The following KCNH6 variants were observed in gnomAD, a reference collection of about 807,000 sequenced individuals.
The protein encoded by KCNH6 is voltage-gated inwardly rectifying potassium channel KCNH6.
In KCNH6, 81 loss-of-function variants were observed where a neutral mutation model predicts 83.4. The ratio of observed to expected loss-of-function variants is 0.97; its 90% CI spans 0.81 to 1.17. The LOEUF (loss-of-function observed/expected upper bound fraction) is 1.17, where lower values mean the gene tolerates loss of function less well. Ranked by LOEUF, KCNH6 falls within the 50% of genes most tolerant of loss-of-function variation. The pLI, the probability that KCNH6 is intolerant of heterozygous loss-of-function variation, is 0.00. For synonymous variants in KCNH6, 503 were observed against 545.6 expected (o/e 0.92, Z 1.09); for missense variants, 1,203 against 1,290.5 (o/e 0.93, Z 1.04).
At position 63,534,024 on chromosome 17, in the gene KCNH6, G is replaced by A; in HGVS notation, c.814G>A (p.Val272Ile). The A allele has an allele frequency of 1.9e-6, 3 of 1,614,188 alleles. No individual in the cohort carries two copies. The highest frequency in any genetic ancestry group is 2.5e-6 in the Non-Finnish European group (3 of 1,180,024). ...CCTGCTGCTGGTCATCTACACGGCT[G>A]TCTTCACGCCCTACTCAGCCGCCTT... ...LILLLVIYTA[V>I]FTPYSAAFLL... Residue 272 changes from valine to isoleucine, a missense_variant, in exon 5 of 13, where the codon GTC becomes ATC. Transcript: ENST00000314672. This position sits in a 1 kb window ranked among gnomAD's most constrained non-coding sequence, Gnocchi z 5.0.
intron 8 of KCNH6, among the ~76,000 whole-genome samples, chr17:63,539,321 C>T (rs985640600): frequency 1.3e-5 from 2 of 152,164 alleles, no homozygotes; most frequent in South Asian, 2.1e-4. Context: ...AGGTTCCCCT[C>T]GGGCAGCCCT....
intron 3 of KCNH6, 32 bp downstream of exon 3, chr17:63,530,284 A>C (rs745956866): frequency 6.2e-7 from 1 of 1,613,724 alleles, no homozygotes; most frequent in Non-Finnish European, 8.5e-7. Flanking sequence ...GGTGGGAGGG[A>C]CGCATGAGGG....
chr17:63,527,714 T>C (rs73332016), intron 2 of KCNH6, among the ~76,000 whole-genome samples: 1,920 of 152,212 alleles, frequency 0.013, 40 homozygotes, highest in African/African-American at 0.044. Context: ...CCTGAGATGG[T>C]ACAGTTACCC....
intron 10 of KCNH6, 27 bp from the exon 11 acceptor site, chr17:63,544,222 G>A: frequency 6.3e-7 from 1 of 1,589,106 alleles, no homozygotes; most frequent in South Asian, 1.1e-5. Context: ...GCTAGGCCCA[G>A]CTGAGACTTC....
chr17:63,533,986 G>A lies in KCNH6; in HGVS notation c.776G>A (p.Trp259Ter). Residue 259 changes from tryptophan (W) to a stop codon, truncating the protein, a stop_gained, in exon 5 of 13, where the codon TGG (tryptophan) becomes TAG (stop). Transcript: ENST00000314672. LOFTEE classifies it high-confidence loss of function. This position sits in a 1 kb window ranked among gnomAD's most constrained non-coding sequence, Gnocchi z 4.1. Reference sequence around the variant, plus strand: ...CACTACAGCCCCTTCAAGGCCGTGTGGGACTGGCTCATCCTGCTGCTGGTC... The same window carrying A: ...CACTACAGCCCCTTCAAGGCCGTGTAGGACTGGCTCATCCTGCTGCTGGTC... The part of the protein sequence containing the change: ...ILHYSPFKAV[W>*]DWLILLLVIY... The A allele has an allele frequency of 6.2e-7, 1 of 1,614,060 alleles. No individual in the cohort carries two copies. The highest frequency in any genetic ancestry group is 8.5e-7 in the Non-Finnish European group (1 of 1,179,996).
intron 2 of KCNH6, among the ~76,000 whole-genome samples, chr17:63,529,560 G>C (rs1259516701): frequency 6.6e-6 from 1 of 152,168 alleles, no homozygotes; most frequent in South Asian, 2.1e-4. Context: ...GCAGAATGGG[G>C]GTCCATGCCT....
intron 8 of KCNH6, among the ~76,000 whole-genome samples, chr17:63,540,710 G>C (rs755781949): frequency 2.0e-5 from 3 of 152,130 alleles, no homozygotes; most frequent in Non-Finnish European, 4.4e-5. Flanking sequence ...CTGTTCTCTT[G>C]TGGGGACATG....
chr17:63,532,783 T>C (rs990413967), intron 4 of KCNH6, among the ~76,000 whole-genome samples: 1 of 152,134 alleles, frequency 6.6e-6, no homozygotes, highest in Non-Finnish European at 1.5e-5. Context: ...AGGAGGTCCA[T>C]GGAACACCCC....
chr17:63,533,939 C>G lies in KCNH6; in HGVS notation c.729C>G (p.Arg243=), dbSNP rs748778698. The part of the protein sequence containing the change: ...VLPEYKLQAP[R]IHRWTILHYS... ...CGGAGTACAAGCTGCAGGCGCCGCG[C>G]ATCCACCGCTGGACCATCCTGCACT... The change falls in exon 5 of 13, where the codon CGC becomes CGG. Residue 243 remains arginine (R), a synonymous_variant. Coordinates refer to ENST00000314672, the MANE Select transcript of KCNH6 (RefSeq NM_001278919.2). The surrounding 1 kb of genome is among the most constrained non-coding windows in gnomAD (Gnocchi z 4.1). The G allele has an allele frequency of 6.2e-6, 10 of 1,613,978 alleles. No homozygotes were observed. Among genetic ancestry groups the G allele is most frequent in the Non-Finnish European group, 8.5e-6 (10 of 1,179,992 alleles).
Position 63,535,628 on chromosome 17 carries a change from G to C in KCNH6, c.1102-41G>C, listed in dbSNP as rs1243479586. On this transcript the variant is annotated intron_variant, in intron 5 of 12. Transcript: ENST00000314672. The surrounding 1 kb of genome is among the most constrained non-coding windows in gnomAD (Gnocchi z 4.9). Reference sequence around the variant, plus strand: ...AGCAGGCCTGACTGCACCCTTCCAAGGGCTGACCCCAGCCCTGTGACCATT... The same window carrying C: ...AGCAGGCCTGACTGCACCCTTCCAACGGCTGACCCCAGCCCTGTGACCATT... 6.4e-7 allele frequency: 1 copy of C among 1,555,098 alleles called. No individual in the cohort carries two copies. The highest frequency in any genetic ancestry group is 8.7e-7 in the Non-Finnish European group (1 of 1,146,852).
At position 63,545,922 on chromosome 17, in the gene KCNH6, A is replaced by G; in HGVS notation, c.*20A>G. ...CACTGAACTCCAAGATAAAGACACC[A>G]TGAGGGGACTGAAGGTGGGCAAGGT... is the stretch of plus-strand genomic sequence containing the variant. On this transcript the variant is annotated 3_prime_UTR_variant, in exon 13 of 13. Transcript: ENST00000314672. 6.2e-7 allele frequency: 1 copy of G among 1,608,970 alleles called. No homozygotes were observed. The highest frequency in any genetic ancestry group is 8.5e-7 in the Non-Finnish European group (1 of 1,176,622).
At position 63,544,480 on chromosome 17, in the gene KCNH6, C is replaced by A. The variant is rs1023069577; in HGVS notation, c.2396+69C>A. Reference sequence around the variant, plus strand: ...CCCTCCTAGTGGCTCAGACACATCACAGGGTGCCAGGTGGGTTTTAGAATG... The same window carrying A: ...CCCTCCTAGTGGCTCAGACACATCAAAGGGTGCCAGGTGGGTTTTAGAATG... On this transcript the variant is annotated intron_variant, in intron 11 of 12. Coordinates refer to ENST00000314672, the MANE Select transcript of KCNH6 (RefSeq NM_001278919.2). 20 of 1,367,936 alleles carry A rather than the reference C, an allele frequency of 1.5e-5. No individual in the cohort carries two copies. In the African/African-American group the frequency reaches 2.1e-4, roughly 14 times the overall value. The allele number at this position is 1,367,936 out of a possible 1,614,324, so 84.7% of individuals were successfully genotyped here.
In KCNH6 at chr17:63,535,712, G is replaced by T. The variant is rs549333382; in HGVS notation, c.1145G>T (p.Arg382Leu). ...IGLLKTARLL[R>L]LVRVARKLDR... ...CTATTGAAGACAGCGCGGCTGCTGC[G>T]GCTGGTGCGCGTAGCACGGAAGCTG... The change falls in exon 6 of 13, where the codon CGG becomes CTG. Residue 382 changes from arginine (R) to leucine (L), a missense_variant. Transcript: ENST00000314672. This position sits in a 1 kb window ranked among gnomAD's most constrained non-coding sequence, Gnocchi z 4.9. 1 of 1,612,772 alleles carries T rather than the reference G, an allele frequency of 6.2e-7. No individual in the cohort carries two copies. The highest frequency in any genetic ancestry group is 1.3e-5 in the African/African-American group (1 of 74,734).
chr17:63,536,494 A>C (rs1361200122), intron 6 of KCNH6, among the ~76,000 whole-genome samples: 1 of 152,136 alleles, frequency 6.6e-6, no homozygotes, highest in African/African-American at 2.4e-5. Flanking sequence ...AAATACAAAA[A>C]TTAGCCAGGT....
downstream of KCNH6, among the ~76,000 whole-genome samples, chr17:63,548,048 G>A (rs945800433): frequency 1.2e-4 from 18 of 150,082 alleles, no homozygotes; most frequent in Middle Eastern, 3.6e-3. Context: ...GGCAGATCAC[G>A]AGGTCAGGAG....
At chr17:63,545,470 C>T in intron 12 of KCNH6, 139 bp from the exon 13 acceptor site, 3 of 1,008,628 alleles carry the variant, frequency 3.0e-6, no homozygotes, top group Non-Finnish European at 4.3e-6. Context: ...ACTCCAGAGC[C>T]TGCAGCTGGG....
Position 63,530,086 on chromosome 17 carries a change from C to G in KCNH6, c.308-5C>G. ...CACCCCCCATCCTCCCAATGGTGTT[C>G]GCAGCCTCCAGCTTCCGCTGCCTGG... On this transcript the variant is annotated splice_polypyrimidine_tract_variant and splice_region_variant and intron_variant, in intron 2 of 12. Coordinates refer to ENST00000314672, the MANE Select transcript of KCNH6 (RefSeq NM_001278919.2). 6.2e-7 allele frequency: 1 copy of G among 1,612,626 alleles called. No homozygotes were observed. The highest frequency in any genetic ancestry group is 8.5e-7 in the Non-Finnish European group (1 of 1,179,844).
At chr17:63,540,829 G>T (rs534699125) in intron 8 of KCNH6, among the ~76,000 whole-genome samples, 1 of 152,188 alleles carries the variant, frequency 6.6e-6, no homozygotes, top group Non-Finnish European at 1.5e-5. Context: ...GTGGCACCCC[G>T]GCCCTGGGCT....
Position 63,538,743 on chromosome 17 carries a change from C to A in KCNH6, c.1954+81C>A. 1 of 1,394,968 alleles carries A rather than the reference C, an allele frequency of 7.2e-7. No individual in the cohort carries two copies. The highest frequency in any genetic ancestry group is 1.9e-4 in the Middle Eastern group (1 of 5,310). The allele number at this position is 1,394,968 out of a possible 1,614,324, so 86.4% of individuals were successfully genotyped here. A position where few individuals can be genotyped will look rare whatever the true frequency, so the allele number is the denominator to read the frequency against. On this transcript the variant is annotated intron_variant, in intron 8 of 12. Transcript: ENST00000314672. This position sits in a 1 kb window ranked among gnomAD's most constrained non-coding sequence, Gnocchi z 4.0. The stretch of plus-strand genomic sequence containing the variant: ...GATTGGAGATGCCCTGCCCAGGCCA[C>A]CCTCTTCCTGATGAGGATTTTACTT...
Sources: allele counts gnomAD v4.1 joint callset (sites outside exome capture counted in the v4.1 genomes callset), GRCh38; gene constraint gnomAD v4.1.1; non-coding constraint Gnocchi (gnomAD v3.1); transcripts MANE v1.5; gene names NCBI Gene and HGNC (gene_info 2026-07-23, HGNC 2026-07-21).